Variants in INTS1 observed in about 807,000 individuals in gnomAD.
INTS1 encodes the protein integrator complex subunit 1.
In INTS1, 137 loss-of-function variants were observed where a neutral mutation model predicts 241.6. That is an observed-to-expected ratio of 0.57 (90% confidence interval 0.49 to 0.65). The LOEUF (loss-of-function observed/expected upper bound fraction) is 0.65, where lower values mean the gene tolerates loss of function less well. Ranked by LOEUF, INTS1 falls within the 30% of genes least tolerant of loss-of-function variation. INTS1 has a pLI of 0.00. For synonymous variants in INTS1, 1,692 were observed against 1,337.8 expected (o/e 1.26, Z -5.78); for missense variants, 3,073 against 3,032.2 (o/e 1.01, Z -0.32).
At chr7:1,501,010 T>A (rs531694212) in intron 3 of INTS1, 1 of 152,320 alleles carries the variant, frequency 6.6e-6, no homozygotes, top group East Asian at 1.9e-4. Flanking sequence ...AACGGCCAGG[T>A]GCAGTGGCTA....
In INTS1 at chr7:1,472,357, C is replaced by T; in HGVS notation, c.6100G>A (p.Val2034Ile). The T allele has an allele frequency of 6.4e-7, 1 of 1,569,804 alleles. No homozygotes were observed. The highest frequency in any genetic ancestry group is 8.6e-7 in the Non-Finnish European group (1 of 1,157,646). ...AGAGGGGTGAACAGGGAGACGCTGA[C>T]CAGGGGCAAGGAGCCGGCTGAGCTC... Reference protein sequence around the residue: ...EESSAGSLPLVSVSLFTPLTA... With the variant: ...EESSAGSLPLISVSLFTPLTA... Residue 2034 changes from valine to isoleucine, a missense_variant, in exon 44 of 48, where the codon GTC becomes ATC. Val to Ile is a conservative substitution (Grantham distance 29). Coordinates refer to ENST00000404767, the MANE Select transcript of INTS1 (RefSeq NM_001080453.3).
intron 10 of INTS1, among the ~76,000 whole-genome samples, chr7:1,498,075 A>C (rs1782951593): frequency 6.6e-6 from 1 of 152,014 alleles, no homozygotes; most frequent in Admixed American, 6.5e-5. Flanking sequence ...CTACCTTACT[A>C]TCCAAAGGCA....
chr7:1,472,581 G>A (rs368726241), intron 43 of INTS1, among the ~76,000 whole-genome samples, 195 bp from the exon 44 acceptor site: 6 of 152,306 alleles, frequency 3.9e-5, no homozygotes, highest in South Asian at 2.1e-4. Context: ...GCACCTCTGC[G>A]AGTCTCTCCC....
chr7:1,487,483 G>T (rs375653627), intron 19 of INTS1, 34 bp from the exon 20 acceptor site: 5 of 1,598,844 alleles, frequency 3.1e-6, no homozygotes, highest in Non-Finnish European at 4.3e-6. Context: ...GCGTCAGCAC[G>T]CCCTGAGCGG....
At position 1,471,198 on chromosome 7, in the gene INTS1, C is replaced by T. The variant is rs149670463; in HGVS notation, c.6282G>A (p.Ser2094=). The T allele has an allele frequency of 1.5e-3, 2,448 of 1,581,728 alleles. 17 individuals carry two copies. The highest frequency in any genetic ancestry group is 0.013 in the Middle Eastern group (79 of 5,994). Residue 2094 remains serine, a synonymous_variant, in exon 46 of 48, where the codon TCG becomes TCA. Transcript: ENST00000404767. ...CGAGGTTGCGGCAACACTCCTCGGCCGAGCTCATCAGCCGCTGCAGGTTGG... is the reference window on the plus strand; with the variant it reads ...CGAGGTTGCGGCAACACTCCTCGGCTGAGCTCATCAGCCGCTGCAGGTTGG... The part of the protein sequence containing the change: ...FSTNLQRLMS[S]AEECCRNLAF...
intron 40 of INTS1, 57 bp from the exon 41 acceptor site, chr7:1,474,417 T>G: frequency 3.3e-6 from 5 of 1,496,970 alleles, no homozygotes; most frequent in Non-Finnish European, 4.5e-6. Flanking sequence ...CTGGCGCACG[T>G]CCCCAGGAAG....
At chr7:1,482,756 G>A in intron 26 of INTS1, 49 bp from the exon 27 acceptor site, 2 of 1,595,066 alleles carry the variant, frequency 1.3e-6, no homozygotes, top group Non-Finnish European at 1.7e-6. Flanking sequence ...CCGGGGCCCA[G>A]CCCCAAGCAC....
Position 1,474,257 on chromosome 7 carries a change from G to A in INTS1, c.5740C>T (p.Leu1914=), listed in dbSNP as rs773465294. 4.4e-6 allele frequency: 7 copies of A among 1,607,440 alleles called. No homozygotes were observed. Among genetic ancestry groups the A allele is most frequent in the South Asian group, 2.2e-5 (2 of 91,002 alleles). Residue 1914 remains leucine (L), a synonymous_variant, in exon 41 of 48, where the codon CTG becomes TTG. Transcript: ENST00000404767. ...ACGTGCGGCTGCAGCAGCTCCAGCA[G>A]GCCCAGCACGTGCAGGAAGCAGCTC... ...HLSCFLHVLG[L]LELLQPHVFR...
At position 1,500,513 on chromosome 7, in the gene INTS1, A is replaced by G. The variant is rs541995340; in HGVS notation, c.350-147T>C. 7 of 873,598 alleles carry G rather than the reference A, an allele frequency of 8.0e-6. No homozygotes were observed. The South Asian group carries it at 9.2e-5, about 11-fold the overall frequency. The allele number at this position is 873,598 out of a possible 1,614,324, so 54.1% of individuals were successfully genotyped here. ...GATCCACCCTCAGCAAAGTTCCCACAGCGGACAAGCACCCCACCAGATGGT... is the reference window on the plus strand; with the variant it reads ...GATCCACCCTCAGCAAAGTTCCCACGGCGGACAAGCACCCCACCAGATGGT... On this transcript the variant is annotated intron_variant, in intron 3 of 47. Coordinates refer to ENST00000404767, the MANE Select transcript of INTS1 (RefSeq NM_001080453.3).
At chr7:1,488,855 C>T (rs1216231601) in intron 18 of INTS1, among the ~76,000 whole-genome samples, 1 of 152,186 alleles carries the variant, frequency 6.6e-6, no homozygotes, top group Non-Finnish European at 1.5e-5. Context: ...CAGGCTGTGC[C>T]GACTCTCGTC....
Position 1,497,912 on chromosome 7 carries a change from A to G in INTS1, c.1425+500T>C, listed in dbSNP as rs1014265622. On this transcript the variant is annotated intron_variant, in intron 10 of 47. Transcript: ENST00000404767. This position sits in a 1 kb window ranked among gnomAD's most constrained non-coding sequence, Gnocchi z 5.3. Reference sequence around the variant, plus strand: ...GACCCCTGCTTAACCGAGGGACCCAATGCACAGGAGGCGGGTCTGGGCCAG... The same window carrying G: ...GACCCCTGCTTAACCGAGGGACCCAGTGCACAGGAGGCGGGTCTGGGCCAG... Among the ~76,000 whole-genome samples, 6 of 152,322 alleles carry G rather than the reference A, an allele frequency of 3.9e-5. No homozygotes were observed. The highest frequency in any genetic ancestry group is 3.4e-3 in the Middle Eastern group (1 of 294).
In INTS1 at chr7:1,493,021, C is replaced by T. The variant is rs373720846; in HGVS notation, c.2154G>A (p.Gln718=). Residue 718 remains glutamine (Q), a synonymous_variant, in exon 16 of 48, where the codon CAG becomes CAA. Transcript: ENST00000404767. The surrounding 1 kb of genome is among the most constrained non-coding windows in gnomAD (Gnocchi z 5.3). Reference sequence around the variant, plus strand: ...GGGCGTGGGCTTACCCCGGTGGGAGCTGGATGTTTTCAGGGTGATGGTAGG... The same window carrying T: ...GGGCGTGGGCTTACCCCGGTGGGAGTTGGATGTTTTCAGGGTGATGGTAGG... The part of the protein sequence containing the change: ...LCTYHHPENI[Q]LPPGYQPPNL... 5 of 1,612,666 alleles carry T rather than the reference C, an allele frequency of 3.1e-6. No individual in the cohort carries two copies. The African/African-American group carries it at 5.4e-5, about 17-fold the overall frequency.
chr7:1,490,985 C>T (rs1782520506), intron 16 of INTS1, among the ~76,000 whole-genome samples: 1 of 152,210 alleles, frequency 6.6e-6, no homozygotes, highest in South Asian at 2.1e-4. Flanking sequence ...CAAGACGGCC[C>T]AAGGCGCAGG....
At chr7:1,470,717 C>G (rs547654138) in intron 47 of INTS1, 25 bp from the exon 48 acceptor site, 27 of 1,506,846 alleles carry the variant, frequency 1.8e-5, no homozygotes, top group Non-Finnish European at 2.4e-5. Context: ...GGGCCCTGCA[C>G]GTCACGCTGG....
At position 1,481,921 on chromosome 7, in the gene INTS1, T is replaced by C. The variant is rs1266441803; in HGVS notation, c.3704-433A>G. Reference sequence around the variant, plus strand: ...GGTGGGCGCTCCAGAGGGCCTATGGTGGCACGGCGCAGTACACTTCCGAAG... The same window carrying C: ...GGTGGGCGCTCCAGAGGGCCTATGGCGGCACGGCGCAGTACACTTCCGAAG... On this transcript the variant is annotated intron_variant, in intron 27 of 47. Coordinates refer to ENST00000404767, the MANE Select transcript of INTS1 (RefSeq NM_001080453.3). The surrounding 1 kb of genome is among the most constrained non-coding windows in gnomAD (Gnocchi z 6.8). 2.0e-5 allele frequency among the ~76,000 whole-genome samples: 3 copies of C among 152,112 alleles called. No individual in the cohort carries two copies. The highest frequency in any genetic ancestry group is 7.2e-5 in the African/African-American group (3 of 41,418).
At chr7:1,483,617 A>C (rs544914503) in intron 26 of INTS1, 125 bp downstream of exon 26, 7 of 742,936 alleles carry the variant, frequency 9.4e-6, no homozygotes, top group Non-Finnish European at 1.7e-5. Context: ...GCCAGGACAC[A>C]GGGTTGAAGG....
intron 46 of INTS1, 41 bp downstream of exon 46, chr7:1,471,092 C>T (rs1189298411): frequency 1.3e-6 from 2 of 1,539,438 alleles, no homozygotes; most frequent in African/African-American, 2.7e-5. Flanking sequence ...GTTAGCAGGG[C>T]CCAGCGGTGG....
rs1781896565 is a variant in INTS1, at chr7:1,479,613, CT to C, written c.4145del (p.Gln1382ArgfsTer41). 6.5e-7 allele frequency: 1 copy of C among 1,531,352 alleles called. No individual in the cohort carries two copies. The highest frequency in any genetic ancestry group is 8.8e-7 in the Non-Finnish European group (1 of 1,136,524). The allele number at this position is 1,531,352 out of a possible 1,614,324, so 94.9% of individuals were successfully genotyped here. A position where few individuals can be genotyped will look rare whatever the true frequency, so the allele number is the denominator to read the frequency against. On this transcript the variant is annotated frameshift_variant, in exon 31 of 48. Coordinates refer to ENST00000404767, the MANE Select transcript of INTS1 (RefSeq NM_001080453.3). LOFTEE classifies it high-confidence loss of function. ...SPRPVALALQ[Q>X]ALGQELARVV... is the part of the protein sequence containing the mutation. ...CGCGGGCCAGCTCCTGGCCCAGGGC[CT>C]GCTGCAGGGCGAGGGCCACGGGGCG...
intron 33 of INTS1, 79 bp downstream of exon 33, chr7:1,478,287 A>G: frequency 1.3e-6 from 2 of 1,497,584 alleles, no homozygotes; most frequent in Non-Finnish European, 1.8e-6. Flanking sequence ...TCCGTCCCCC[A>G]CTGGGCAGCT....
Sources: allele counts gnomAD v4.1 joint callset (sites outside exome capture counted in the v4.1 genomes callset), GRCh38; gene constraint gnomAD v4.1.1; non-coding constraint Gnocchi (gnomAD v3.1); transcripts MANE v1.5; gene names NCBI Gene and HGNC (gene_info 2026-07-23, HGNC 2026-07-21).